The following OXR1 variants were observed in gnomAD, a reference collection of about 807,000 sequenced individuals.
OXR1 encodes oxidation resistance protein 1.
Under a neutral mutation model 104.6 loss-of-function variants are expected in OXR1, and 41 were observed. The ratio of observed to expected loss-of-function variants is 0.39; its 90% confidence interval spans 0.31 to 0.51. OXR1 has a LOEUF of 0.51. Among genes scored for constraint, OXR1 ranks in the 20% least tolerant of loss-of-function variants. OXR1 has a pLI of 0.77. For missense variants in OXR1, 955 were observed against 1,031.9 expected, an observed-to-expected ratio of 0.93 and a Z score of 1.02; for synonymous variants, 348 against 348.4, an observed-to-expected ratio of 1.00 and a Z score of 0.01.
intron 2 of OXR1, among the ~76,000 whole-genome samples, chr8:106,431,561 A>T (rs1256023332): frequency 1.3e-5 from 2 of 152,204 alleles, no homozygotes; most frequent in African/African-American, 2.4e-5. Flanking sequence ...ATTTTTCTTC[A>T]TATCTCCTAA....
chr8:106,395,074 C>T (rs1817723565), intron 2 of OXR1, among the ~76,000 whole-genome samples: 1 of 152,008 alleles, frequency 6.6e-6, no homozygotes, highest in Non-Finnish European at 1.5e-5. Flanking sequence ...AACTGAAAAG[C>T]TAAAAACAAA....
At chr8:106,494,910 A>AT (rs1811318070) in intron 2 of OXR1, among the ~76,000 whole-genome samples, 1 of 152,088 alleles carries the variant, frequency 6.6e-6, no homozygotes, top group Non-Finnish European at 1.5e-5. Flanking sequence ...TATTACTTAC[A>AT]TCCCCCAGTA....
chr8:106,358,346 G>T (rs1816072251), intron 1 of OXR1, among the ~76,000 whole-genome samples: 2 of 152,082 alleles, frequency 1.3e-5, no homozygotes, highest in South Asian at 4.1e-4. Context: ...TAAACTTGTA[G>T]CCCAGCCTAA....
intron 1 of OXR1, among the ~76,000 whole-genome samples, chr8:106,337,842 C>T (rs1446771377): frequency 6.6e-6 from 1 of 152,116 alleles, no homozygotes; most frequent in African/African-American, 2.4e-5. Context: ...GTTATAAGCA[C>T]TATCAGGACA....
intron 1 of OXR1, among the ~76,000 whole-genome samples, chr8:106,311,951 T>A (rs1813718841): frequency 6.6e-6 from 1 of 152,108 alleles, no homozygotes; most frequent in South Asian, 2.1e-4. Context: ...CTTCTTATTC[T>A]CATTGTTCTT....
rs1586592456 is a variant in OXR1 at position 106,387,289 on chromosome 8, C to T, written c.23+27653C>T. 2.6e-5 allele frequency among the ~76,000 whole-genome samples: 4 copies of T among 152,126 alleles called. No homozygotes were observed. The South Asian group carries it at 8.3e-4, about 31-fold the overall frequency. ...TGCAGGTTTGCACAGACCAGTCATT[C>T]TTTTTAGTTGTTTGTTAGTGGAAAA... On this transcript the variant is annotated intron_variant, in intron 2 of 16. Transcript: ENST00000517566.
chr8:106,431,242 C>A (rs1819347198), intron 2 of OXR1, among the ~76,000 whole-genome samples: 1 of 151,994 alleles, frequency 6.6e-6, no homozygotes, highest in African/African-American at 2.4e-5. Context: ...AATTGCTGAC[C>A]TAAAAATTCA....
intron 3 of OXR1, among the ~76,000 whole-genome samples, chr8:106,575,295 T>TAA (rs1186932231): frequency 2.6e-5 from 4 of 152,306 alleles, no homozygotes; most frequent in African/African-American, 9.6e-5. Flanking sequence ...TAAAGGCTCT[T>TAA]AATCTATATT....
At chr8:106,401,848 A>T (rs997311425) in intron 2 of OXR1, among the ~76,000 whole-genome samples, 1 of 152,202 alleles carries the variant, frequency 6.6e-6, no homozygotes, top group African/African-American at 2.4e-5. Context: ...GCATAATGTC[A>T]TCAATGTAAT....
At chr8:106,408,382 G>A (rs1398520978) in intron 2 of OXR1, among the ~76,000 whole-genome samples, 1 of 151,986 alleles carries the variant, frequency 6.6e-6, no homozygotes, top group Non-Finnish European at 1.5e-5. Flanking sequence ...ACTTACATTG[G>A]CATCAGTTCT....
chr8:106,550,813 G>A (rs1815744300), intron 3 of OXR1, among the ~76,000 whole-genome samples: 1 of 152,112 alleles, frequency 6.6e-6, no homozygotes, highest in African/African-American at 2.4e-5. Flanking sequence ...CCAGTCTTGG[G>A]TATGTCTTTA....
intron 2 of OXR1, among the ~76,000 whole-genome samples, chr8:106,397,526 C>T (rs1353183008): frequency 2.0e-5 from 3 of 151,556 alleles, no homozygotes; most frequent in Admixed American, 1.3e-4. Flanking sequence ...TTATAGTCTC[C>T]GTGGGATTTT....
intron 2 of OXR1, among the ~76,000 whole-genome samples, chr8:106,413,724 C>CTTT (rs147530944): frequency 5.4e-5 from 4 of 73,492 alleles, no homozygotes; most frequent in African/African-American, 2.1e-4. Flanking sequence ...GCTGTATCTA[C>CTTT]TTTTTTTTTT....
chr8:106,294,047 T>C (rs1225283597), intron 1 of OXR1, among the ~76,000 whole-genome samples: 3 of 150,242 alleles, frequency 2.0e-5, no homozygotes, highest in African/African-American at 7.4e-5. Context: ...TCAATTACTT[T>C]GTGTTTATGA....
chr8:106,521,889 C>G (rs1318412080), intron 3 of OXR1, among the ~76,000 whole-genome samples: 1 of 152,082 alleles, frequency 6.6e-6, no homozygotes, highest in Non-Finnish European at 1.5e-5. Flanking sequence ...GTGAAGGAAG[C>G]CTTGCCAACG....
intron 9 of OXR1, among the ~76,000 whole-genome samples, 156 bp from the exon 10 acceptor site, chr8:106,710,466 G>C (rs1471508302): frequency 2.6e-5 from 4 of 151,426 alleles, no homozygotes. Flanking sequence ...TACCTTTGAA[G>C]GAAAAAAAAT....
chr8:106,329,760 C>T (rs1338462993), intron 1 of OXR1, among the ~76,000 whole-genome samples: 5 of 152,248 alleles, frequency 3.3e-5, no homozygotes, highest in Non-Finnish European at 2.9e-5. Flanking sequence ...CTCACATCCC[C>T]CTACCTATGA....
intron 1 of OXR1, among the ~76,000 whole-genome samples, chr8:106,324,929 G>A (rs1414921987): frequency 2.0e-5 from 3 of 152,120 alleles, no homozygotes; most frequent in Non-Finnish European, 2.9e-5. Context: ...CACACTACAC[G>A]GTAAAGGAAT....
At chr8:106,403,609 A>G (rs1818090306) in intron 2 of OXR1, among the ~76,000 whole-genome samples, 1 of 152,188 alleles carries the variant, frequency 6.6e-6, no homozygotes, top group African/African-American at 2.4e-5. Flanking sequence ...TAACATTCCA[A>G]TCTCCTTGAG....
Sources: gnomAD v4.1 joint callset for allele counts (sites outside exome capture counted in the v4.1 genomes callset) on GRCh38, gnomAD v4.1.1 for gene constraint, MANE v1.5 for transcripts, NCBI Gene and HGNC (gene_info 2026-07-23, HGNC 2026-07-21) for gene names.